The following FBXL7 variants were observed in gnomAD, a reference collection of about 807,000 sequenced individuals.
The protein encoded by FBXL7 is F-box and leucine rich repeat protein 7.
FBXL7 carries 12 observed loss-of-function variants against 38.3 expected under a neutral mutation model. The ratio of observed to expected loss-of-function variants is 0.31; its 90% CI spans 0.20 to 0.51. The LOEUF is 0.51. Ranked by LOEUF, FBXL7 falls within the 20% of genes least tolerant of loss-of-function variation. The pLI is 0.98. For missense variants in FBXL7, 567 were observed against 676.4 expected, an observed-to-expected ratio of 0.84 and a Z score of 1.79; for synonymous variants, 297 against 300.9, an observed-to-expected ratio of 0.99 and a Z score of 0.13.
At chr5:15,631,154 T>G (rs567854321) in intron 2 of FBXL7, among the ~76,000 whole-genome samples, 7 of 152,206 alleles carry the variant, frequency 4.6e-5, no homozygotes, top group Non-Finnish European at 7.3e-5. Context: ...ATGTTGAAAC[T>G]TAACCAAATT....
intron 1 of FBXL7, among the ~76,000 whole-genome samples, chr5:15,503,375 C>A (rs1736553113): frequency 6.6e-6 from 1 of 152,134 alleles, no homozygotes. Context: ...AAGCTGAGAT[C>A]ACGCAACTGC....
At chr5:15,628,577 C>A (rs1225771195) in intron 2 of FBXL7, among the ~76,000 whole-genome samples, 2 of 152,152 alleles carry the variant, frequency 1.3e-5, no homozygotes, top group Non-Finnish European at 2.9e-5. Context: ...TTCACAGACA[C>A]AACTAAAGCC....
At chr5:15,705,245 G>GTT (rs1288685943) in intron 2 of FBXL7, among the ~76,000 whole-genome samples, 7 of 152,204 alleles carry the variant, frequency 4.6e-5, no homozygotes, top group African/African-American at 1.7e-4. Flanking sequence ...AGGAATGAGA[G>GTT]TTTTCAAGGG....
At chr5:15,689,635 A>G (rs1743122908) in intron 2 of FBXL7, among the ~76,000 whole-genome samples, 1 of 152,206 alleles carries the variant, frequency 6.6e-6, no homozygotes, top group South Asian at 2.1e-4. Flanking sequence ...TAACTAAGAT[A>G]AACAAAAACA....
intron 2 of FBXL7, among the ~76,000 whole-genome samples, chr5:15,686,970 G>A (rs776782621): frequency 2.0e-5 from 3 of 152,192 alleles, no homozygotes; most frequent in Admixed American, 6.6e-5. Context: ...TCTAGAACCC[G>A]TCTTGTGGGT....
intron 2 of FBXL7, among the ~76,000 whole-genome samples, chr5:15,739,973 C>G (rs1735853364): frequency 6.6e-6 from 1 of 152,120 alleles, no homozygotes; most frequent in Admixed American, 6.5e-5. Context: ...CGACTATTCA[C>G]CACAAAGGCT....
intron 2 of FBXL7, among the ~76,000 whole-genome samples, chr5:15,662,489 C>T (rs2126586127): frequency 6.6e-6 from 1 of 152,276 alleles, no homozygotes; most frequent in Non-Finnish European, 1.5e-5. Flanking sequence ...TTTTTCTGTG[C>T]AGAAGCTCTA....
intron 2 of FBXL7, among the ~76,000 whole-genome samples, chr5:15,791,150 T>C (rs1737267737): frequency 6.6e-6 from 1 of 152,088 alleles, no homozygotes; most frequent in Non-Finnish European, 1.5e-5. Context: ...CTTTGCAAGA[T>C]TCTCCTGTGG....
chr5:15,520,400 A>G (rs1259289604), intron 1 of FBXL7, among the ~76,000 whole-genome samples: 1 of 152,204 alleles, frequency 6.6e-6, no homozygotes, highest in Non-Finnish European at 1.5e-5. Flanking sequence ...AATAGTTCTA[A>G]AGTTGGCGGG....
chr5:15,789,408 G>A (rs1737217508), intron 2 of FBXL7, among the ~76,000 whole-genome samples: 1 of 152,100 alleles, frequency 6.6e-6, no homozygotes, highest in Non-Finnish European at 1.5e-5. Context: ...TCTAACCTCA[G>A]GCTTTTTCCA....
intron 2 of FBXL7, among the ~76,000 whole-genome samples, chr5:15,646,103 A>G (rs1580431292): frequency 6.6e-6 from 1 of 151,064 alleles, no homozygotes; most frequent in South Asian, 2.1e-4. Context: ...CTTTGCTTGT[A>G]AAGTGGGGAT....
At chr5:15,914,385 CAAAAAAAA>C (rs57871930) in intron 2 of FBXL7, among the ~76,000 whole-genome samples, 1 of 81,694 alleles carries the variant, frequency 1.2e-5, no homozygotes, top group African/African-American at 4.7e-5. Context: ...GACTCCCTCT[CAAAAAAAA>C]AAAAAAAAAA....
chr5:15,587,905 T>G (rs1739347798), intron 1 of FBXL7, among the ~76,000 whole-genome samples: 1 of 152,232 alleles, frequency 6.6e-6, no homozygotes, highest in South Asian at 2.1e-4. Flanking sequence ...ATCCTTTAAT[T>G]TCTCCATCCC....
intron 2 of FBXL7, among the ~76,000 whole-genome samples, chr5:15,757,311 A>G (rs542135131): frequency 2.0e-5 from 3 of 152,282 alleles, no homozygotes; most frequent in Middle Eastern, 3.4e-3. Context: ...CAAAGAGGCT[A>G]TTAGGAGGAA....
At chr5:15,766,980 C>CT (rs549709849) in intron 2 of FBXL7, among the ~76,000 whole-genome samples, 2 of 151,578 alleles carry the variant, frequency 1.3e-5, no homozygotes, top group African/African-American at 2.4e-5. Flanking sequence ...CTGTAATTTT[C>CT]TTTTTTTTTC....
In FBXL7 at chr5:15,928,531, G is replaced by T; in HGVS notation, c.739+30G>T. The T allele has an allele frequency of 6.3e-7, 1 of 1,583,312 alleles. No individual in the cohort carries two copies. ...ATGGACACTGACCTACCAGCTATGG[G>T]CCCTCCTGGTGCACCATCCTAAAAC... On this transcript the variant is annotated intron_variant, in intron 3 of 3. Transcript: ENST00000504595. This position sits in a 1 kb window ranked among gnomAD's most constrained non-coding sequence, Gnocchi z 4.0.
At chr5:15,731,976 G>C (rs1038755266) in intron 2 of FBXL7, among the ~76,000 whole-genome samples, 1 of 152,106 alleles carries the variant, frequency 6.6e-6, no homozygotes, top group East Asian at 1.9e-4. Context: ...TGTCCAGTGC[G>C]TATCCAAATG....
intron 2 of FBXL7, among the ~76,000 whole-genome samples, chr5:15,772,542 G>T (rs1736754759): frequency 6.6e-6 from 1 of 152,210 alleles, no homozygotes; most frequent in African/African-American, 2.4e-5. Flanking sequence ...TTTACAGTCA[G>T]ACCCCCTGGT....
intron 2 of FBXL7, among the ~76,000 whole-genome samples, chr5:15,867,717 T>C (rs918606349): frequency 6.6e-6 from 1 of 152,070 alleles, no homozygotes; most frequent in African/African-American, 2.4e-5. Context: ...GTGCTTAAAG[T>C]GGAAGAGACA....
Sources: gnomAD v4.1 joint callset for allele counts (sites outside exome capture counted in the v4.1 genomes callset) on GRCh38, gnomAD v4.1.1 for gene constraint, Gnocchi (gnomAD v3.1) non-coding constraint, MANE v1.5 for transcripts, NCBI Gene and HGNC (gene_info 2026-07-23, HGNC 2026-07-21) for gene names.